Variants in ILRUN observed in about 807,000 individuals in gnomAD.
ILRUN encodes protein ILRUN.
In ILRUN, 3 loss-of-function variants were observed where a neutral mutation model predicts 33.8. That is an observed-to-expected ratio of 0.09 (90% confidence interval 0.04 to 0.23). ILRUN has a LOEUF of 0.23. Among genes scored for constraint, ILRUN ranks in the 10% least tolerant of loss-of-function variants. ILRUN has a pLI of 1.00. For missense variants in ILRUN, 210 were observed against 375.1 expected (o/e 0.56, Z 3.64); for synonymous variants, 124 against 138.9 (o/e 0.89, Z 0.75).
intron 2 of ILRUN, among the ~76,000 whole-genome samples, chr6:34,649,431 GA>G (rs1762618796): frequency 6.6e-6 from 1 of 152,092 alleles, no homozygotes; most frequent in Admixed American, 6.5e-5. Flanking sequence ...TAGAAGAAAA[GA>G]AAGACTAATC....
intron 1 of ILRUN, among the ~76,000 whole-genome samples, chr6:34,686,243 G>A (rs944097897): frequency 3.9e-5 from 6 of 152,160 alleles, no homozygotes; most frequent in Non-Finnish European, 7.4e-5. Flanking sequence ...GCTCACACCT[G>A]TAATCCCAGC....
chr6:34,619,292 AAT>A (rs138951660), intron 3 of ILRUN, among the ~76,000 whole-genome samples: 9 of 150,576 alleles, frequency 6.0e-5, no homozygotes, highest in African/African-American at 4.9e-5. Flanking sequence ...AGGTACACAG[AAT>A]ATATATATAT....
At position 34,646,908 on chromosome 6, in the gene ILRUN, T is replaced by A; in HGVS notation, c.314-110A>T. 1 of 931,780 alleles carries A rather than the reference T, an allele frequency of 1.1e-6. No individual in the cohort carries two copies. Among genetic ancestry groups the A allele is most frequent in the Non-Finnish European group, 1.7e-6 (1 of 598,140 alleles). 57.7% of individuals were successfully genotyped at this position (931,780 alleles called of 1,614,324 possible). A position where few individuals can be genotyped will look rare whatever the true frequency, so the allele number is the denominator to read the frequency against. ...TCTTTCTTTTTCTCACATACATACA[T>A]AAACCTAACCACATATACCTAAGCC... is the stretch of plus-strand genomic sequence containing the variant. On this transcript the variant is annotated intron_variant, in intron 2 of 4. Coordinates refer to ENST00000374023, the MANE Select transcript of ILRUN (RefSeq NM_024294.4). The surrounding 1 kb of genome is among the most constrained non-coding windows in gnomAD (Gnocchi z 4.9).
At chr6:34,592,000 A>C (rs573588806) in intron 4 of ILRUN, among the ~76,000 whole-genome samples, 1 of 152,290 alleles carries the variant, frequency 6.6e-6, no homozygotes, top group East Asian at 1.9e-4. Flanking sequence ...TAAGAAAGAC[A>C]CACCAAGATG....
At chr6:34,696,175 G>A (rs1763767246) in intron 1 of ILRUN, 4 of 422,876 alleles carry the variant, frequency 9.5e-6, no homozygotes, top group South Asian at 3.5e-5. Context: ...ACGTCCCTTG[G>A]CCCCTAATCC....
intron 1 of ILRUN, among the ~76,000 whole-genome samples, chr6:34,682,257 T>TTG (rs1474452281): frequency 0.17 from 17,368 of 99,784 alleles, 2,106 homozygotes; most frequent in East Asian, 0.29. Context: ...CTCTGTTTTT[T>TTG]TTTTTTTTTT....
intron 3 of ILRUN, among the ~76,000 whole-genome samples, chr6:34,610,244 C>T (rs1004503113): frequency 6.6e-6 from 1 of 152,166 alleles, no homozygotes; most frequent in African/African-American, 2.4e-5. Flanking sequence ...AGTTAAACCT[C>T]TTGACTTAAC....
At chr6:34,623,430 A>G (rs2814983) in intron 3 of ILRUN, among the ~76,000 whole-genome samples, 25,164 of 152,078 alleles carry the variant, frequency 0.17, 2,281 homozygotes, top group African/African-American at 0.23. Flanking sequence ...GAGTTCCACT[A>G]ATCAGAAAAT....
At position 34,676,161 on chromosome 6, in the gene ILRUN, A is replaced by G. The variant is rs1392357241; in HGVS notation, c.158+20285T>C. ...ACAGGTAGCTCATCCCAGTAACTCC[A>G]GCATGTTGAGAGGCTGAGGTGGAGG... is the stretch of plus-strand genomic sequence containing the variant. On this transcript the variant is annotated intron_variant, in intron 1 of 4. Transcript: ENST00000374023. Among the ~76,000 whole-genome samples the G allele has an allele frequency of 4.6e-5, 7 of 152,130 alleles. No homozygotes were observed. The East Asian group carries it at 1.4e-3, about 29-fold the overall frequency.
At chr6:34,591,242 G>C (rs1346067353) in intron 4 of ILRUN, among the ~76,000 whole-genome samples, 1 of 152,148 alleles carries the variant, frequency 6.6e-6, no homozygotes, top group African/African-American at 2.4e-5. Flanking sequence ...TGTAATCCCA[G>C]GACCCCATAA....
intron 3 of ILRUN, among the ~76,000 whole-genome samples, chr6:34,614,634 T>C (rs1761841208): frequency 6.6e-6 from 1 of 151,370 alleles, no homozygotes; most frequent in Non-Finnish European, 1.5e-5. Flanking sequence ...TAGAACTTAA[T>C]TCTATACATC....
rs1032488126 is a variant in ILRUN at position 34,646,869 on chromosome 6, C to G, written c.314-71G>C. The G allele has an allele frequency of 7.0e-7, 1 of 1,426,188 alleles. No individual in the cohort carries two copies. Among genetic ancestry groups the G allele is most frequent in the Non-Finnish European group, 9.8e-7 (1 of 1,022,650 alleles). 88.3% of individuals were successfully genotyped at this position (1,426,188 alleles called of 1,614,324 possible). ...ATGCTGGGTGCAGTTTATTATGAAACTGTAGAAGAGGCCTCTTTCTTTTTC... is the reference window on the plus strand; with the variant it reads ...ATGCTGGGTGCAGTTTATTATGAAAGTGTAGAAGAGGCCTCTTTCTTTTTC... On this transcript the variant is annotated intron_variant, in intron 2 of 4. Coordinates refer to ENST00000374023, the MANE Select transcript of ILRUN (RefSeq NM_024294.4). The surrounding 1 kb of genome is among the most constrained non-coding windows in gnomAD (Gnocchi z 4.9).
chr6:34,661,277 A>G, intron 1 of ILRUN, among the ~76,000 whole-genome samples: 1 of 152,240 alleles, frequency 6.6e-6, no homozygotes, highest in East Asian at 1.9e-4. Context: ...ACATTTAAAG[A>G]TCAAGGGTCA....
At chr6:34,654,319 G>A (rs1762729018) in intron 2 of ILRUN, among the ~76,000 whole-genome samples, 1 of 152,174 alleles carries the variant, frequency 6.6e-6, no homozygotes, top group African/African-American at 2.4e-5. Flanking sequence ...CTGTACAGGT[G>A]GAGCCAATAC....
chr6:34,603,898 C>G (rs978444077), intron 4 of ILRUN, among the ~76,000 whole-genome samples: 4 of 152,106 alleles, frequency 2.6e-5, no homozygotes, highest in Admixed American at 1.3e-4. Flanking sequence ...CTTCCTACAC[C>G]CTATTCTAAG....
intron 3 of ILRUN, among the ~76,000 whole-genome samples, chr6:34,627,719 T>C (rs1398314016): frequency 3.3e-5 from 5 of 151,776 alleles, no homozygotes; most frequent in South Asian, 2.1e-4. Context: ...TTTTTTTTTT[T>C]TGAGACAGAG....
chr6:34,642,325 A>C (rs1443791487), intron 3 of ILRUN, among the ~76,000 whole-genome samples: 1 of 152,224 alleles, frequency 6.6e-6, no homozygotes, highest in Non-Finnish European at 1.5e-5. Context: ...CCACAGCTGA[A>C]TCTCAACCGA....
intron 3 of ILRUN, among the ~76,000 whole-genome samples, chr6:34,628,006 C>T (rs1762173970): frequency 6.6e-6 from 1 of 151,852 alleles, no homozygotes; most frequent in African/African-American, 2.4e-5. Flanking sequence ...CCTGGGCCTG[C>T]ATACACTTTT....
chr6:34,645,924 CA>C (rs1415111118), intron 3 of ILRUN, among the ~76,000 whole-genome samples: 3 of 152,110 alleles, frequency 2.0e-5, no homozygotes, highest in Non-Finnish European at 4.4e-5. Context: ...AAGAGGAAGA[CA>C]AACAGGAGAG....
Sources: allele counts gnomAD v4.1 joint callset (sites outside exome capture counted in the v4.1 genomes callset), GRCh38; gene constraint gnomAD v4.1.1; non-coding constraint Gnocchi (gnomAD v3.1); transcripts MANE v1.5; gene names NCBI Gene and HGNC (gene_info 2026-07-23, HGNC 2026-07-21).